TTC21A: variants seen among roughly 807,000 people sequenced by gnomAD.
The protein encoded by TTC21A is tetratricopeptide repeat protein 21A.
Under a neutral mutation model 156.4 loss-of-function variants are expected in TTC21A, and 128 were observed. The observed-to-expected ratio is 0.82, with a 90% CI of 0.71 to 0.95. TTC21A has a LOEUF of 0.95. TTC21A is among the 40% of genes least tolerant of loss of function. TTC21A has a pLI of 0.00. For synonymous variants in TTC21A, 587 were observed against 617.1 expected (o/e 0.95, Z 0.72); for missense variants, 1,435 against 1,602.3 (o/e 0.90, Z 1.78).
At chr3:39,109,877 G>A (rs1023664088) in intron 2 of TTC21A, 152 bp from the exon 3 acceptor site, 4 of 612,152 alleles carry the variant, frequency 6.5e-6, no homozygotes, top group Non-Finnish European at 1.2e-5. Context: ...CTCTTTCAAA[G>A]AGCCCCAATC....
In TTC21A at chr3:39,134,555, G is replaced by A; in HGVS notation, c.2862+227G>A. 1 of 620,260 alleles carries A rather than the reference G, an allele frequency of 1.6e-6. No individual in the cohort carries two copies. The highest frequency in any genetic ancestry group is 3.0e-6 in the Non-Finnish European group (1 of 338,866). The allele number at this position is 620,260 out of a possible 1,614,324, so 38.4% of individuals were successfully genotyped here. A position where few individuals can be genotyped will look rare whatever the true frequency, so the allele number is the denominator to read the frequency against. ...GCATCAATCTCCTGGGCCAGTCTAA[G>A]GTGGGGTGAGGTTGATTCACCCCAG... is the stretch of plus-strand genomic sequence containing the variant. On this transcript the variant is annotated intron_variant, in intron 21 of 28. Transcript: ENST00000683103. The surrounding 1 kb of genome is among the most constrained non-coding windows in gnomAD (Gnocchi z 4.6).
In TTC21A at chr3:39,125,076, T is replaced by C; in HGVS notation, c.1107T>C (p.Cys369=). The C allele has an allele frequency of 2.5e-6, 4 of 1,612,734 alleles. No homozygotes were observed. The highest frequency in any genetic ancestry group is 3.4e-6 in the Non-Finnish European group (4 of 1,178,770). ...GMAGLTGIIL[C]HILEGHLEEA... ...TCCCATTTACAGGGATCATCTTGTG[T>C]CATATCTTAGAAGGCCACCTGGAGG... The change falls in exon 10 of 29, where the codon TGT becomes TGC. Residue 369 remains cysteine (C), a synonymous_variant. Transcript: ENST00000683103.
rs143968783 is a variant in TTC21A at position 39,125,424 on chromosome 3, C to G, written c.1284C>G (p.His428Gln). The G allele has an allele frequency of 6.2e-7, 1 of 1,613,958 alleles. No homozygotes were observed. Among genetic ancestry groups the G allele is most frequent in the Non-Finnish European group, 8.5e-7 (1 of 1,179,896 alleles). Residue 428 changes from histidine (H) to glutamine (Q), a missense_variant, in exon 11 of 29, where the codon CAC becomes CAG. By Grantham distance (24) the His-to-Gln change is conservative. Transcript: ENST00000683103. Reference protein sequence around the residue: ...TALLKEAVELHFSSMQGIPLG... With the variant: ...TALLKEAVELQFSSMQGIPLG... ...TCCTGAAGGAGGCAGTGGAGCTTCA[C>G]TTCTCCAGCATGCAAGGCATCCCTC...
intron 5 of TTC21A, among the ~76,000 whole-genome samples, chr3:39,114,305 C>G (rs1468045823): frequency 6.6e-6 from 1 of 152,226 alleles, no homozygotes. Flanking sequence ...CATGGCCTTA[C>G]CCTATCCCAG....
At chr3:39,138,065 A>C in intron 26 of TTC21A, 1 of 687,578 alleles carries the variant, frequency 1.5e-6, no homozygotes, top group Non-Finnish European at 2.4e-6. Context: ...GGGTTACGCC[A>C]GTGTCTGGGG....
intron 5 of TTC21A, among the ~76,000 whole-genome samples, chr3:39,114,270 A>G (rs1247514680): frequency 3.3e-5 from 5 of 152,066 alleles, no homozygotes; most frequent in Non-Finnish European, 5.9e-5. Flanking sequence ...CAGTGACCTC[A>G]CCTCTCCCCT....
rs927818738 is a variant in TTC21A, at chr3:39,134,692, A to G, written c.2862+364A>G. The G allele has an allele frequency of 2.1e-6, 1 of 467,894 alleles. No homozygotes were observed. The allele number at this position is 467,894 out of a possible 1,614,324, so 29.0% of individuals were successfully genotyped here. A position where few individuals can be genotyped will look rare whatever the true frequency, so the allele number is the denominator to read the frequency against. ...CTTCCCTATCATCCAGACCTCCTCT[A>G]GGGCTGGCCCAGGAGCAGAAGCTGA... On this transcript the variant is annotated intron_variant, in intron 21 of 28. Coordinates refer to ENST00000683103, the MANE Select transcript of TTC21A (RefSeq NM_001366900.1). The surrounding 1 kb of genome is among the most constrained non-coding windows in gnomAD (Gnocchi z 4.6).
At chr3:39,112,979 G>A (rs1010792542) in intron 5 of TTC21A, among the ~76,000 whole-genome samples, 32 of 151,826 alleles carry the variant, frequency 2.1e-4, no homozygotes, top group Non-Finnish European at 4.0e-4. Context: ...TTAGTGTGCC[G>A]TAAGAGAAGG....
At chr3:39,124,658 C>CAAAAAAAAAAAAAAAAAGA in intron 9 of TTC21A, among the ~76,000 whole-genome samples, 1 of 71,040 alleles carries the variant, frequency 1.4e-5, no homozygotes, top group South Asian at 7.4e-4. Context: ...AACTCCGTCT[C>CAAAAAAAAAAAAAAAAAGA]AAAAAAAAAA....
At chr3:39,120,350 G>C (rs1448413919) in intron 8 of TTC21A, among the ~76,000 whole-genome samples, 1 of 152,192 alleles carries the variant, frequency 6.6e-6, no homozygotes, top group Non-Finnish European at 1.5e-5. Context: ...GCCACACCCA[G>C]CTCTAGCCTC....
chr3:39,137,010 C>T lies in TTC21A; in HGVS notation c.3207C>T (p.Asp1069=), dbSNP rs764902017. The T allele has an allele frequency of 5.6e-6, 9 of 1,613,952 alleles. No individual in the cohort carries two copies. In the East Asian group the frequency reaches 2.0e-4, roughly 36 times the overall value. Residue 1069 remains aspartate (D), a synonymous_variant, in exon 24 of 29, where the codon GAC becomes GAT. Transcript: ENST00000683103. The part of the protein sequence containing the change: ...YHMVQICLNP[D]NEVVGGEAFE... Reference sequence around the variant, plus strand: ...TGGTGCAGATCTGTCTGAATCCAGACAACGAGGTTGTGGGCGGAGAGGCTT... The same window carrying T: ...TGGTGCAGATCTGTCTGAATCCAGATAACGAGGTTGTGGGCGGAGAGGCTT...
chr3:39,135,629 CG>C (rs1426249500), intron 22 of TTC21A, among the ~76,000 whole-genome samples: 2 of 152,176 alleles, frequency 1.3e-5, no homozygotes, highest in Non-Finnish European at 2.9e-5. Context: ...GAGGTCACCA[CG>C]GTTAGGAGTA....
At chr3:39,117,136 T>C (rs540727102) in intron 6 of TTC21A, among the ~76,000 whole-genome samples, 11 of 152,386 alleles carry the variant, frequency 7.2e-5, no homozygotes, top group African/African-American at 2.6e-4. Flanking sequence ...GGATATGTAA[T>C]ATTTTTCCAT....
In TTC21A at chr3:39,137,029, G is replaced by C; in HGVS notation, c.3226G>C (p.Glu1076Gln). 1.9e-6 allele frequency: 3 copies of C among 1,613,658 alleles called. No homozygotes were observed. Among genetic ancestry groups the C allele is most frequent in the Non-Finnish European group, 8.5e-7 (1 of 1,179,872 alleles). ...TCCAGACAACGAGGTTGTGGGCGGA[G>C]AGGCTTTTGAGAACCAGGGAGCTGA... ...LNPDNEVVGG[E>Q]AFENQGAESN... Residue 1076 changes from glutamate (E) to glutamine (Q), a missense_variant, in exon 24 of 29, where the codon GAG becomes CAG. Coordinates refer to ENST00000683103, the MANE Select transcript of TTC21A (RefSeq NM_001366900.1).
At chr3:39,113,782 T>C (rs191757795) in intron 5 of TTC21A, among the ~76,000 whole-genome samples, 1 of 152,376 alleles carries the variant, frequency 6.6e-6, no homozygotes, top group African/African-American at 2.4e-5. Context: ...ATGAGCATAA[T>C]GTAATTTACC....
rs148431487 is a variant in TTC21A at position 39,136,512 on chromosome 3, G to T, written c.3095+5G>T. The T allele has an allele frequency of 9.3e-4, 1,496 of 1,613,808 alleles. 1 individual carries two copies. The highest frequency in any genetic ancestry group is 1.1e-3 in the Non-Finnish European group (1,342 of 1,179,774). On this transcript the variant is annotated splice_donor_5th_base_variant and intron_variant, in intron 23 of 28. Transcript: ENST00000683103. ...CTGCAGAGGTATCTACTGCTGGTGA[G>T]TTGGGTGTGGTGTGTTGAGGGGCAG...
In TTC21A at chr3:39,137,583, C is replaced by T. The variant is rs943605331; in HGVS notation, c.3548C>T (p.Thr1183Ile). 2.5e-6 allele frequency: 4 copies of T among 1,614,124 alleles called. No homozygotes were observed. The highest frequency in any genetic ancestry group is 2.7e-5 in the African/African-American group (2 of 74,944). ...ARMQLKRLAK[T>I]PWVLSEAEDL... Reference sequence around the variant, plus strand: ...ATGCAGTTGAAGCGCCTGGCCAAGACCCCCTGGGTGCTGAGTGAGGCTGAG... The same window carrying T: ...ATGCAGTTGAAGCGCCTGGCCAAGATCCCCTGGGTGCTGAGTGAGGCTGAG... Residue 1183 changes from threonine (T) to isoleucine (I), a missense_variant, in exon 26 of 29, where the codon ACC becomes ATC. Physicochemically the swap from Thr to Ile is moderately conservative, Grantham distance 89 (BLOSUM62 -1). Coordinates refer to ENST00000683103, the MANE Select transcript of TTC21A (RefSeq NM_001366900.1).
intron 6 of TTC21A, among the ~76,000 whole-genome samples, chr3:39,115,034 C>T (rs2037159508): frequency 6.6e-6 from 1 of 152,080 alleles, no homozygotes; most frequent in Non-Finnish European, 1.5e-5. Flanking sequence ...AGAACTAAAG[C>T]AAGAGTTACA....
intron 23 of TTC21A, 87 bp from the exon 24 acceptor site, chr3:39,136,812 G>T (rs1157970784): frequency 1.5e-5 from 23 of 1,503,738 alleles, no homozygotes; most frequent in Non-Finnish European, 2.0e-5. Context: ...TCTGCTTTGT[G>T]CAGACTCACA....
Sources: allele counts gnomAD v4.1 joint callset (sites outside exome capture counted in the v4.1 genomes callset), GRCh38; gene constraint gnomAD v4.1.1; non-coding constraint Gnocchi (gnomAD v3.1); transcripts MANE v1.5; gene names NCBI Gene and HGNC (gene_info 2026-07-23, HGNC 2026-07-21).